ATP1A3: variants seen among roughly 807,000 people sequenced by gnomAD.
The protein encoded by ATP1A3 is sodium/potassium-transporting ATPase subunit alpha-3.
ATP1A3 carries 12 observed loss-of-function variants against 108.8 expected under a neutral mutation model. The ratio of observed to expected loss-of-function variants is 0.11; its 90% CI spans 0.07 to 0.18. The LOEUF (loss-of-function observed/expected upper bound fraction) is 0.18, where lower values mean the gene tolerates loss of function less well. Ranked by LOEUF, ATP1A3 falls within the 10% of genes least tolerant of loss-of-function variation. ATP1A3 has a pLI of 1.00. For synonymous variants in ATP1A3, 539 were observed against 564.5 expected, an observed-to-expected ratio of 0.95 and a Z score of 0.64; for missense variants, 498 against 1,387.7, an observed-to-expected ratio of 0.36 and a Z score of 10.19.
At chr19:41,970,127 A>AGGCACTGCTCTAGGCCC in intron 18 of ATP1A3, 58 bp downstream of exon 18, 1 of 1,613,738 alleles carries the variant, frequency 6.2e-7, no homozygotes, top group Non-Finnish European at 8.5e-7. Flanking sequence ...ACGGTGGGCC[A>AGGCACTGCTCTAGGCCC]GGCACTGCTC....
chr19:41,993,687 A>T, intron 1 of ATP1A3: 1 of 610,106 alleles, frequency 1.6e-6, no homozygotes, highest in Non-Finnish European at 2.9e-6. Flanking sequence ...ACGAGCTCTC[A>T]CAGACACACC....
rs551837100 is a variant in ATP1A3 at position 41,979,518 on chromosome 19, G to A, written c.1438-720C>T. ...GACATGCTCTCCCTATGTTGCCCAC[G>A]CTGGTCTCCATCTCCTGAGTTCAAG... On this transcript the variant is annotated intron_variant, in intron 11 of 22. Coordinates refer to ENST00000648268, the MANE Select transcript of ATP1A3 (RefSeq NM_152296.5). 3.3e-5 allele frequency among the ~76,000 whole-genome samples: 5 copies of A among 152,042 alleles called. No individual in the cohort carries two copies. In the East Asian group the frequency reaches 7.8e-4, roughly 24 times the overall value.
intron 1 of ATP1A3, among the ~76,000 whole-genome samples, chr19:41,992,227 G>A (rs1324387979): frequency 2.0e-5 from 3 of 152,168 alleles, no homozygotes; most frequent in East Asian, 3.8e-4. Context: ...CCTGGCCCTG[G>A]CCTTGGCTCC....
chr19:41,982,221 G>A (rs2075240593), intron 8 of ATP1A3, 115 bp from the exon 9 acceptor site: 1 of 1,566,668 alleles, frequency 6.4e-7, no homozygotes, highest in South Asian at 1.1e-5. Flanking sequence ...CTGAGGGCCT[G>A]GAAAAGAATG....
chr19:41,994,106 CGGGCG>C lies in ATP1A3; in HGVS notation c.-35_-31del. 3 of 1,571,520 alleles carry C rather than the reference CGGGCG, an allele frequency of 1.9e-6. No individual in the cohort carries two copies. The highest frequency in any genetic ancestry group is 2.6e-6 in the Non-Finnish European group (3 of 1,163,614). ...GCGGCTCCGCGGCGAGAGAGCCAGG[CGGGCG>C]GGGCGGGGACCTCGGGGCGGGCTCA... On this transcript the variant is annotated 5_prime_UTR_variant, in exon 1 of 23. Transcript: ENST00000648268.
rs2075360418 is a variant in ATP1A3, at chr19:41,993,547, A to ATC, written c.6+523_6+524insGA. On this transcript the variant is annotated intron_variant, in intron 1 of 22. Coordinates refer to ENST00000648268, the MANE Select transcript of ATP1A3 (RefSeq NM_152296.5). ...CACACACACACACACACACACACAC[A>ATC]CACTGCGGAGTCCCCCCATCCAGGC... The ATC allele has an allele frequency of 4.8e-5, 34 of 702,160 alleles. No homozygotes were observed. The South Asian group carries it at 7.1e-4, about 15-fold the overall frequency. The allele number at this position is 702,160 out of a possible 1,614,324, so 43.5% of individuals were successfully genotyped here.
At chr19:41,993,969 C>A (rs951564233) in intron 1 of ATP1A3, 102 bp downstream of exon 1, 10 of 1,565,210 alleles carry the variant, frequency 6.4e-6, no homozygotes, top group African/African-American at 1.4e-5. Context: ...AGGCCTGGCC[C>A]CGGAGCGCAG....
Position 41,978,773 on chromosome 19 carries a change from G to C in ATP1A3, c.1463C>G (p.Pro488Arg). 1 of 1,614,028 alleles carries C rather than the reference G, an allele frequency of 6.2e-7. No individual in the cohort carries two copies. The highest frequency in any genetic ancestry group is 2.2e-5 in the East Asian group (1 of 44,850). The change falls in exon 12 of 23, where the codon CCC (proline) becomes CGC (arginine). Residue 488 changes from proline to arginine, a missense_variant. Transcript: ENST00000648268. This position sits in a 1 kb window ranked among gnomAD's most constrained non-coding sequence, Gnocchi z 8.3. ...CACCAGCAGGTATCGGTTGTCGTTGGGGTCCTCGGTCTCATGGATGGAGAG... is the reference window on the plus strand; with the variant it reads ...CACCAGCAGGTATCGGTTGTCGTTGCGGTCCTCGGTCTCATGGATGGAGAG... ...YQLSIHETED[P>R]NDNRYLLVMK...
rs1360668511 is a variant in ATP1A3 at position 41,968,945 on chromosome 19, G to A, written c.2689-30C>T. Reference sequence around the variant, plus strand: ...AGGAGCGGTGACCAGGGCACGGGACGTCAGTTAGTGGCACTGCAGCCCTAG... The same window carrying A: ...AGGAGCGGTGACCAGGGCACGGGACATCAGTTAGTGGCACTGCAGCCCTAG... On this transcript the variant is annotated intron_variant, in intron 19 of 22. Coordinates refer to ENST00000648268, the MANE Select transcript of ATP1A3 (RefSeq NM_152296.5). The surrounding 1 kb of genome is among the most constrained non-coding windows in gnomAD (Gnocchi z 5.0). The A allele has an allele frequency of 3.1e-6, 5 of 1,613,134 alleles. No individual in the cohort carries two copies. Among genetic ancestry groups the A allele is most frequent in the East Asian group, 2.2e-5 (1 of 44,842 alleles).
Position 41,988,679 on chromosome 19 carries a change from T to C in ATP1A3, c.7-117A>G, listed in dbSNP as rs1206109957. 1.7e-5 allele frequency: 27 copies of C among 1,589,144 alleles called. No homozygotes were observed. Among genetic ancestry groups the C allele is most frequent in the Non-Finnish European group, 2.3e-5 (27 of 1,169,850 alleles). On this transcript the variant is annotated intron_variant, in intron 1 of 22. Transcript: ENST00000648268. The surrounding 1 kb of genome is among the most constrained non-coding windows in gnomAD (Gnocchi z 5.3). ...TCCTCCTGGCCGGTGCCCCTGCATC[T>C]CTGGGTGGGGGGTCTCTGTCTGCCT...
At position 41,967,795 on chromosome 19, in the gene ATP1A3, G is replaced by A; in HGVS notation, c.2820-32C>T. 6.2e-7 allele frequency: 1 copy of A among 1,604,224 alleles called. No individual in the cohort carries two copies. Among genetic ancestry groups the A allele is most frequent in the South Asian group, 1.1e-5 (1 of 90,388 alleles). On this transcript the variant is annotated intron_variant, in intron 20 of 22. Transcript: ENST00000648268. The surrounding 1 kb of genome is among the most constrained non-coding windows in gnomAD (Gnocchi z 4.2). ...GCACAGAAGGGCAGGGCTGGGCCCA[G>A]AGAGCACCCACCCTGCACCTGCCAC...
At chr19:41,976,962 G>A (rs374499214) in intron 14 of ATP1A3, among the ~76,000 whole-genome samples, 3 of 151,544 alleles carry the variant, frequency 2.0e-5, no homozygotes, top group South Asian at 2.1e-4. Flanking sequence ...CCACCACCAC[G>A]CCTGGCTAAT....
chr19:41,981,387 C>T lies in ATP1A3; in HGVS notation c.1437+115G>A, dbSNP rs958303730. ...TCTCCCTGTTCCTCTCCCCACCAGG[C>T]GGGTATTATCATTCCCATTTTACAG... On this transcript the variant is annotated intron_variant, in intron 11 of 22. Transcript: ENST00000648268. The surrounding 1 kb of genome is among the most constrained non-coding windows in gnomAD (Gnocchi z 5.0). 6.0e-5 allele frequency: 90 copies of T among 1,488,526 alleles called. No homozygotes were observed. Among genetic ancestry groups the T allele is most frequent in the South Asian group, 9.1e-5 (8 of 87,758 alleles). The allele number at this position is 1,488,526 out of a possible 1,614,324, so 92.2% of individuals were successfully genotyped here.
intron 1 of ATP1A3, among the ~76,000 whole-genome samples, chr19:41,991,688 T>A (rs112332630): frequency 8.7e-4 from 132 of 152,036 alleles, no homozygotes; most frequent in African/African-American, 3.0e-3. Flanking sequence ...GCCCCATAAA[T>A]GCTAAGGGCT....
chr19:41,970,074 C>T, intron 18 of ATP1A3, 111 bp downstream of exon 18: 3 of 1,580,300 alleles, frequency 1.9e-6, no homozygotes, highest in Non-Finnish European at 2.6e-6. Context: ...TTGGTCCTGC[C>T]CACGTCTGCT....
At chr19:41,979,932 T>A (rs1188973409) in intron 11 of ATP1A3, among the ~76,000 whole-genome samples, 2 of 152,266 alleles carry the variant, frequency 1.3e-5, no homozygotes, top group African/African-American at 4.8e-5. Context: ...GAGGCTTGTG[T>A]GCTCCTCAGA....
At chr19:41,977,484 G>A (rs1019735337) in intron 14 of ATP1A3, among the ~76,000 whole-genome samples, 13 of 149,176 alleles carry the variant, frequency 8.7e-5, no homozygotes, top group African/African-American at 3.2e-4. Context: ...TCAGGAGTTC[G>A]AGACCAGCCT....
rs1274462045 is a variant in ATP1A3, at chr19:41,985,631, C to T, written c.607-208G>A. 6.6e-6 allele frequency among the ~76,000 whole-genome samples: 1 copy of T among 152,128 alleles called. No homozygotes were observed. Among genetic ancestry groups the T allele is most frequent in the African/African-American group, 2.4e-5 (1 of 41,414 alleles). ...TGCTGCTGGCCAAGGTCTAGGGTCC[C>T]TAAGGATCTCCGAAAGGTGAGGGCT... is the stretch of plus-strand genomic sequence containing the variant. On this transcript the variant is annotated intron_variant, in intron 6 of 22. Coordinates refer to ENST00000648268, the MANE Select transcript of ATP1A3 (RefSeq NM_152296.5). The surrounding 1 kb of genome is among the most constrained non-coding windows in gnomAD (Gnocchi z 8.2).
chr19:41,993,892 C>G (rs1340772327), intron 1 of ATP1A3, 179 bp downstream of exon 1: 2 of 1,190,756 alleles, frequency 1.7e-6, no homozygotes, highest in East Asian at 2.7e-5. Flanking sequence ...GCCACAGACC[C>G]CCCGCCGCCC....
Sources: gnomAD v4.1 joint callset for allele counts (sites outside exome capture counted in the v4.1 genomes callset) on GRCh38, gnomAD v4.1.1 for gene constraint, Gnocchi (gnomAD v3.1) non-coding constraint, MANE v1.5 for transcripts, NCBI Gene and HGNC (gene_info 2026-07-23, HGNC 2026-07-21) for gene names.